Variants in RGPD1 observed in about 807,000 individuals in gnomAD.
The protein encoded by RGPD1 is RANBP2-like and GRIP domain-containing protein 1.
In RGPD1, 7 loss-of-function variants were observed where a neutral mutation model predicts 40.6. The observed-to-expected ratio is 0.17, with a 90% confidence interval of 0.10 to 0.32. The LOEUF is 0.32. RGPD1 is among the 10% of genes least tolerant of loss of function. The probability of loss-of-function intolerance (pLI) is 1.00; values close to 1 mark genes in which losing one functional copy is unlikely to be tolerated. For synonymous variants in RGPD1, 24 were observed against 167.0 expected, an observed-to-expected ratio of 0.14 and a Z score of 6.60; for missense variants, 50 against 472.5, an observed-to-expected ratio of 0.11 and a Z score of 8.29.
intron 1 of RGPD1, among the ~76,000 whole-genome samples, chr2:86,918,316 C>A (rs1421543817): frequency 6.7e-6 from 1 of 150,342 alleles, no homozygotes; most frequent in Non-Finnish European, 1.5e-5. Flanking sequence ...TTGGTGATCT[C>A]CTTCTAGCTT....
chr2:86,939,313 C>T (rs1276900822), upstream of RGPD1, among the ~76,000 whole-genome samples: 4 of 146,910 alleles, frequency 2.7e-5, no homozygotes, highest in South Asian at 2.1e-4. Context: ...CGGTGGATGC[C>T]GGGCACCTGT....
At chr2:86,931,086 A>AT (rs1345514039) in intron 1 of RGPD1, among the ~76,000 whole-genome samples, 2 of 115,258 alleles carry the variant, frequency 1.7e-5, no homozygotes, top group Non-Finnish European at 3.5e-5. Context: ...AAGGGAGTTG[A>AT]TTATAAATGA....
intron 1 of RGPD1, among the ~76,000 whole-genome samples, chr2:86,935,874 T>C (rs895302362): frequency 4.8e-5 from 7 of 146,166 alleles, no homozygotes; most frequent in African/African-American, 1.7e-4. Flanking sequence ...ACATACAAGC[T>C]TATGGATATA....
chr2:86,918,242 C>T (rs1263256913), intron 1 of RGPD1, among the ~76,000 whole-genome samples: 2 of 147,736 alleles, frequency 1.4e-5, no homozygotes, highest in Non-Finnish European at 3.0e-5. Context: ...CCTCTTCCCC[C>T]AGTAACATCC....
At chr2:86,942,728 C>A in intron 1 of RGPD1, among the ~76,000 whole-genome samples, 1 of 150,270 alleles carries the variant, frequency 6.7e-6, no homozygotes, top group African/African-American at 2.4e-5. Flanking sequence ...GCCTCGATGG[C>A]TCAGGCGTCA....
upstream of RGPD1, among the ~76,000 whole-genome samples, chr2:86,939,344 T>C (rs1012871572): frequency 6.9e-6 from 1 of 143,984 alleles, no homozygotes. Context: ...TTTGGGAGGC[T>C]GAGGAAGATG....
intron 1 of RGPD1, among the ~76,000 whole-genome samples, chr2:86,929,734 T>C (rs1678777628): frequency 7.5e-6 from 1 of 134,026 alleles, no homozygotes; most frequent in African/African-American, 2.6e-5. Context: ...TCACGTCTCT[T>C]TAATGAGATC....
intron 1 of RGPD1, among the ~76,000 whole-genome samples, chr2:86,918,152 G>T (rs1263275780): frequency 6.6e-6 from 1 of 150,796 alleles, no homozygotes; most frequent in African/African-American, 2.4e-5. Flanking sequence ...GAGATTTAAA[G>T]TACTTTAGCC....
chr2:86,971,160 C>A (rs1424772540), intron 8 of RGPD1, among the ~76,000 whole-genome samples: 6 of 42,054 alleles, frequency 1.4e-4, no homozygotes, highest in Non-Finnish European at 2.4e-4. Flanking sequence ...TCAGCCTCCC[C>A]AGTAGCTGGG....
At chr2:86,945,237 CT>C (rs772746028) in intron 1 of RGPD1, among the ~76,000 whole-genome samples, 2,519 of 148,970 alleles carry the variant, frequency 0.017, 41 homozygotes, top group African/African-American at 0.041. Flanking sequence ...CACTTAGAGT[CT>C]TTTTTTTTTC....
intron 2 of RGPD1, among the ~76,000 whole-genome samples, chr2:86,951,873 GTTT>G (rs71269535): frequency 2.9e-4 from 15 of 50,980 alleles, no homozygotes; most frequent in African/African-American, 1.5e-3. Context: ...GGGAGGCAGG[GTTT>G]TTTTTTTTTT....
rs762161723 is a variant in RGPD1 at position 86,913,887 on chromosome 2, C to T, written c.38C>T (p.Ala13Val). 126 of 1,576,036 alleles carry T rather than the reference C, an allele frequency of 8.0e-5. 9 individuals are homozygous for T. Among genetic ancestry groups the T allele is most frequent in the Non-Finnish European group, 1.0e-4 (119 of 1,161,388 alleles). ...AAGGCCTACGGGGAGCGGTACCTCG[C>T]CTCGGTGCAGGGCTCCGCCCCGTCG... The change falls in exon 1 of 23, where the codon GCC becomes GTC. Residue 13 changes from alanine to valine, a missense_variant. Physicochemically the swap from Ala to Val is moderately conservative, Grantham distance 64 (BLOSUM62 0). Transcript: ENST00000398193.
intron 1 of RGPD1, among the ~76,000 whole-genome samples, chr2:86,944,141 A>G (rs1183645556): frequency 6.6e-6 from 1 of 152,188 alleles, no homozygotes; most frequent in East Asian, 1.9e-4. Context: ...CCCTGTGGAT[A>G]TTGAGACCTG....
At chr2:86,938,658 A>G (rs1309078403), upstream of RGPD1, among the ~76,000 whole-genome samples, 1 of 151,394 alleles carries the variant, frequency 6.6e-6, no homozygotes. Context: ...TCATGCTTTA[A>G]GGCCCAGGAC....
At chr2:86,944,322 T>C (rs183965902) in intron 1 of RGPD1, among the ~76,000 whole-genome samples, 1 of 152,076 alleles carries the variant, frequency 6.6e-6, no homozygotes, top group Non-Finnish European at 1.5e-5. Context: ...TAGCATAGTA[T>C]AAATATGAAT....
chr2:86,943,479 C>T (rs1422289829), intron 1 of RGPD1, among the ~76,000 whole-genome samples: 2 of 151,940 alleles, frequency 1.3e-5, no homozygotes, highest in South Asian at 2.1e-4. Flanking sequence ...TAAAGAGTGA[C>T]GGAAGAAGCT....
chr2:86,978,174 G>C (rs1226696162), intron 17 of RGPD1, among the ~76,000 whole-genome samples: 7 of 109,878 alleles, frequency 6.4e-5, no homozygotes, highest in Non-Finnish European at 9.4e-5. Context: ...GAGCCTCTTG[G>C]CTTAGCCTGC....
chr2:86,914,050 G>A (rs867324323), intron 1 of RGPD1: 2 of 64,552 alleles, frequency 3.1e-5, no homozygotes, highest in Non-Finnish European at 6.2e-5. Context: ...GGCGGCGGCG[G>A]CGGCGGCCTC....
At chr2:86,929,364 C>T (rs968505441) in intron 1 of RGPD1, among the ~76,000 whole-genome samples, 1 of 151,676 alleles carries the variant, frequency 6.6e-6, no homozygotes, top group African/African-American at 2.4e-5. Flanking sequence ...GCATTGATGC[C>T]CCCGGAGTTG....
Sources: allele counts gnomAD v4.1 joint callset (sites outside exome capture counted in the v4.1 genomes callset), GRCh38; gene constraint gnomAD v4.1.1; transcripts MANE v1.5; gene names NCBI Gene and HGNC (gene_info 2026-07-23, HGNC 2026-07-21).